The following MPP7 variants were observed in gnomAD, a reference collection of about 807,000 sequenced individuals.
MPP7 encodes MAGUK p55 subfamily member 7.
In MPP7, 60 loss-of-function variants were observed where a neutral mutation model predicts 76.5. The ratio of observed to expected loss-of-function variants is 0.78; its 90% CI spans 0.64 to 0.97. MPP7 has a LOEUF of 0.97. Ranked by LOEUF, MPP7 falls within the 50% of genes least tolerant of loss-of-function variation. MPP7 has a pLI of 0.00. For synonymous variants in MPP7, 237 were observed against 244.5 expected (o/e 0.97, Z 0.29); for missense variants, 641 against 694.0 (o/e 0.92, Z 0.86).
At chr10:28,207,084 A>G (rs966547123) in intron 2 of MPP7, among the ~76,000 whole-genome samples, 1 of 152,160 alleles carries the variant, frequency 6.6e-6, no homozygotes, top group Non-Finnish European at 1.5e-5. Flanking sequence ...AAAGTTACCT[A>G]TAAGAGATTT....
intron 1 of MPP7, among the ~76,000 whole-genome samples, chr10:28,332,707 G>T (rs147758816): frequency 4.5e-4 from 69 of 152,212 alleles, no homozygotes; most frequent in Non-Finnish European, 7.6e-4. Context: ...TATTACCCAG[G>T]CTAGAGTGCA....
intron 1 of MPP7, among the ~76,000 whole-genome samples, chr10:28,274,101 CTTTTTTTTTTTT>C (rs60127503): frequency 1.6e-5 from 2 of 123,662 alleles, no homozygotes; most frequent in Admixed American, 8.3e-5. Context: ...AAATTTTTTT[CTTTTTTTTTTTT>C]TTTTTTTGAG....
At chr10:28,273,332 C>A (rs1171744117) in intron 1 of MPP7, among the ~76,000 whole-genome samples, 1 of 152,208 alleles carries the variant, frequency 6.6e-6, no homozygotes, top group African/African-American at 2.4e-5. Context: ...ACCAGGAAGT[C>A]TTTTCCATAT....
intron 3 of MPP7, among the ~76,000 whole-genome samples, chr10:28,189,106 ATAACTGT>A (rs1312264991): frequency 6.6e-6 from 1 of 152,224 alleles, no homozygotes; most frequent in Non-Finnish European, 1.5e-5. Flanking sequence ...GATCTAATAG[ATAACTGT>A]TCAGAGTAAT....
intron 1 of MPP7, among the ~76,000 whole-genome samples, chr10:28,262,266 T>C (rs576966103): frequency 1.6e-5 from 1 of 62,692 alleles, no homozygotes; most frequent in Non-Finnish European, 3.1e-5. Context: ...TATGTATATA[T>C]ATATATATAT....
In MPP7 at chr10:28,124,234, A is replaced by G. The variant is rs1834937173; in HGVS notation, c.530-118T>C. On this transcript the variant is annotated intron_variant, in intron 7 of 16. Transcript: ENST00000683449. ...CCCTTAATACACTTAACGAATGGAA[A>G]GGAGACCTTCACACATCTCAGGTTT... 4 of 707,880 alleles carry G rather than the reference A, an allele frequency of 5.7e-6. No homozygotes were observed. The Admixed American group carries it at 8.7e-5, about 15-fold the overall frequency. The allele number at this position is 707,880 out of a possible 1,614,324, so 43.8% of individuals were successfully genotyped here.
chr10:28,159,593 T>C (rs1836188209), intron 3 of MPP7, among the ~76,000 whole-genome samples: 1 of 152,184 alleles, frequency 6.6e-6, no homozygotes, highest in African/African-American at 2.4e-5. Flanking sequence ...TTGAAGTTCA[T>C]GAAGCAAATC....
chr10:28,177,871 C>T (rs916745784), intron 3 of MPP7, among the ~76,000 whole-genome samples: 1 of 152,146 alleles, frequency 6.6e-6, no homozygotes, highest in African/African-American at 2.4e-5. Context: ...GGTGCTGAAA[C>T]CCTAAATACT....
At chr10:28,202,536 A>G (rs1241890882) in intron 2 of MPP7, among the ~76,000 whole-genome samples, 1 of 152,196 alleles carries the variant, frequency 6.6e-6, no homozygotes, top group Non-Finnish European at 1.5e-5. Flanking sequence ...TCCGAGACAG[A>G]AAATGTGTAC....
At chr10:28,326,702 T>C (rs1256312362) in intron 2 of MPP7, among the ~76,000 whole-genome samples, 1 of 152,212 alleles carries the variant, frequency 6.6e-6, no homozygotes, top group Admixed American at 6.5e-5. Context: ...GTAGTTTTAC[T>C]GTGACAAGGC....
chr10:28,052,366 C>T lies in MPP7; in HGVS notation c.*1699G>A, dbSNP rs1292867079. The T allele has an allele frequency of 6.6e-6, 1 of 152,124 alleles. No individual in the cohort carries two copies. Among genetic ancestry groups the T allele is most frequent in the African/African-American group, 2.4e-5 (1 of 41,436 alleles). 9.4% of individuals were successfully genotyped at this position (152,124 alleles called of 1,614,324 possible). On this transcript the variant is annotated 3_prime_UTR_variant, in exon 17 of 17. Transcript: ENST00000683449. ...AATTTTTTGCTATTTAATTAATACACTTAGAACTCACTGTCTGGATCACGT... is the reference window on the plus strand; with the variant it reads ...AATTTTTTGCTATTTAATTAATACATTTAGAACTCACTGTCTGGATCACGT...
intron 3 of MPP7, among the ~76,000 whole-genome samples, chr10:28,187,919 T>G (rs1421464527): frequency 6.6e-6 from 1 of 152,224 alleles, no homozygotes; most frequent in Non-Finnish European, 1.5e-5. Flanking sequence ...CTAATTTTAG[T>G]AAGAAAATCT....
intron 16 of MPP7, among the ~76,000 whole-genome samples, chr10:28,055,293 C>A (rs1400977527): frequency 6.6e-6 from 1 of 151,966 alleles, no homozygotes; most frequent in African/African-American, 2.4e-5. Flanking sequence ...ATGACAGTAC[C>A]TACTCAGAAC....
At chr10:28,262,210 T>TATATATATATAC (rs1564741261) in intron 1 of MPP7, among the ~76,000 whole-genome samples, 24 of 8,190 alleles carry the variant, frequency 2.9e-3, no homozygotes, top group African/African-American at 5.0e-3. Flanking sequence ...TATATATACA[T>TATATATATATAC]ATATATATAT....
At chr10:28,299,512 A>G (rs1841104048) in intron 1 of MPP7, among the ~76,000 whole-genome samples, 1 of 152,216 alleles carries the variant, frequency 6.6e-6, no homozygotes, top group African/African-American at 2.4e-5. Flanking sequence ...AGAGATCACC[A>G]TAACAGACAG....
intron 1 of MPP7, among the ~76,000 whole-genome samples, chr10:28,243,714 T>C (rs1410373606): frequency 2.6e-5 from 4 of 152,160 alleles, no homozygotes; most frequent in African/African-American, 9.7e-5. Context: ...AGTTCAGTTT[T>C]TCTTCATATC....
intron 11 of MPP7, among the ~76,000 whole-genome samples, chr10:28,105,570 C>T (rs543896614): frequency 6.6e-6 from 1 of 152,122 alleles, no homozygotes; most frequent in African/African-American, 2.4e-5. Flanking sequence ...TGCAATGGCG[C>T]GATCTCAGTT....
intron 1 of MPP7, among the ~76,000 whole-genome samples, chr10:28,274,304 G>A (rs969010565): frequency 1.3e-5 from 2 of 150,896 alleles, no homozygotes; most frequent in Non-Finnish European, 3.0e-5. Context: ...GGGTTTCACC[G>A]GAGCCAGGAT....
intron 11 of MPP7, chr10:28,118,717 ACTT>A (rs1249196110): frequency 4.1e-6 from 4 of 985,290 alleles, no homozygotes; most frequent in Non-Finnish European, 3.6e-6. Flanking sequence ...TGAGTGCTCC[ACTT>A]TAAGCATTTG....
Sources: allele counts gnomAD v4.1 joint callset (sites outside exome capture counted in the v4.1 genomes callset), GRCh38; gene constraint gnomAD v4.1.1; transcripts MANE v1.5; gene names NCBI Gene and HGNC (gene_info 2026-07-23, HGNC 2026-07-21).